Variants in TRRAP observed in about 807,000 individuals in gnomAD.
TRRAP encodes transformation/transcription domain-associated protein.
A neutral mutation model predicts 438.8 loss-of-function variants in TRRAP; 41 were observed. The observed-to-expected ratio is 0.09, with a 90% confidence interval of 0.07 to 0.12. TRRAP has a LOEUF of 0.12. Among genes scored for constraint, TRRAP ranks in the 10% least tolerant of loss-of-function variants. The pLI is 1.00. For missense variants in TRRAP, 3,122 were observed against 5,055.1 expected, an observed-to-expected ratio of 0.62 and a Z score of 11.60; for synonymous variants, 1,994 against 1,962.9, an observed-to-expected ratio of 1.02 and a Z score of -0.42.
chr7:98,911,142 A>G lies in TRRAP; in HGVS notation c.1878A>G (p.Lys626=), dbSNP rs781920718. Residue 626 remains lysine (K), a synonymous_variant, in exon 17 of 73, where the codon AAA becomes AAG. Coordinates refer to ENST00000456197, the MANE Select transcript of TRRAP (RefSeq NM_001375524.1). Reference sequence around the variant, plus strand: ...CCAACTGCCAGACTGTGAGAATGAAAGAGGAGAAGGAGGTATTGGAGCATT... The same window carrying G: ...CCAACTGCCAGACTGTGAGAATGAAGGAGGAGAAGGAGGTATTGGAGCATT... ...RVANCQTVRM[K]EEKEVLEHFA... The G allele has an allele frequency of 1.1e-5, 18 of 1,614,208 alleles. No individual in the cohort carries two copies. The highest frequency in any genetic ancestry group is 1.4e-5 in the Non-Finnish European group (17 of 1,180,040).
chr7:98,881,118 T>C lies in TRRAP; in HGVS notation c.-33T>C, dbSNP rs1554402968. On this transcript the variant is annotated 5_prime_UTR_variant, in exon 2 of 73. Coordinates refer to ENST00000456197, the MANE Select transcript of TRRAP (RefSeq NM_001375524.1). ...GGTTGAACTCATGGACCTGATACTT[T>C]TCTCTTGAGAAGCAAACCAGCCCAA... 6.3e-7 allele frequency: 1 copy of C among 1,588,664 alleles called. No homozygotes were observed. Among genetic ancestry groups the C allele is most frequent in the Admixed American group, 1.8e-5 (1 of 57,084 alleles).
Position 98,953,189 on chromosome 7 carries a change from C to T in TRRAP, c.5486C>T (p.Ala1829Val), listed in dbSNP as rs782663390. Reference protein sequence around the residue: ...ITKVLDPEKQADMLDSLRIYL... With the variant: ...ITKVLDPEKQVDMLDSLRIYL... ...CAGGTCCTGGACCCCGAGAAGCAGGCGGACATGCTGGACTCGCTGCGGATC... is the reference window on the plus strand; with the variant it reads ...CAGGTCCTGGACCCCGAGAAGCAGGTGGACATGCTGGACTCGCTGCGGATC... Residue 1829 changes from alanine to valine, a missense_variant, in exon 40 of 73, where the codon GCG becomes GTG. Around this residue, in one of 24 missense-constraint regions of TRRAP, gnomAD observed 272 missense variants for 348.5 expected, o/e 0.78. Transcript: ENST00000456197. 16 of 1,612,880 alleles carry T rather than the reference C, an allele frequency of 9.9e-6. No homozygotes were observed. Among genetic ancestry groups the T allele is most frequent in the South Asian group, 1.1e-5 (1 of 91,044 alleles).
chr7:98,919,108 A>T (rs577616144), intron 20 of TRRAP, among the ~76,000 whole-genome samples: 45 of 152,306 alleles, frequency 3.0e-4, no homozygotes, highest in African/African-American at 1.1e-3. Flanking sequence ...TGTGTCTCAA[A>T]GCATCTGCCC....
intron 28 of TRRAP, among the ~76,000 whole-genome samples, chr7:98,935,949 G>A (rs1554414145): frequency 6.6e-6 from 1 of 152,192 alleles, no homozygotes; most frequent in Non-Finnish European, 1.5e-5. Flanking sequence ...TAAAAGGATT[G>A]TCGTATCATT....
chr7:98,959,936 TAAAAAAAAA>T (rs780800568), intron 45 of TRRAP, among the ~76,000 whole-genome samples: 1 of 112,710 alleles, frequency 8.9e-6, no homozygotes, highest in Non-Finnish European at 1.8e-5. Context: ...CCTGGTCTCT[TAAAAAAAAA>T]AAAAAAAAAG....
intron 69 of TRRAP, 108 bp from the exon 70 acceptor site, chr7:99,008,269 G>A: frequency 1.7e-6 from 2 of 1,168,574 alleles, no homozygotes; most frequent in Non-Finnish European, 2.5e-6. Flanking sequence ...AGCCCCCAAG[G>A]CATACAGAGC....
intron 30 of TRRAP, among the ~76,000 whole-genome samples, chr7:98,941,207 G>T (rs1362959921): frequency 6.6e-6 from 1 of 152,118 alleles, no homozygotes; most frequent in Admixed American, 6.6e-5. Context: ...ACAGGGCCTT[G>T]CTCTGTGTCC....
rs568406933 is a variant in TRRAP at position 98,887,003 on chromosome 7, A to T, written c.151-3332A>T. On this transcript the variant is annotated intron_variant, in intron 3 of 72. Transcript: ENST00000456197. ...CACAGCATTGAACTCCTGGGCTCAA[A>T]TGATCTTCCTGCTTCGGCCCCCAAG... Among the ~76,000 whole-genome samples the T allele has an allele frequency of 6.6e-5, 10 of 152,270 alleles. No individual in the cohort carries two copies. The South Asian group carries it at 2.1e-3, about 32-fold the overall frequency.
intron 70 of TRRAP, among the ~76,000 whole-genome samples, chr7:99,008,832 C>A (rs536687973): frequency 6.6e-6 from 1 of 152,314 alleles, no homozygotes; most frequent in Admixed American, 6.5e-5. Flanking sequence ...CCTGTACTTA[C>A]AAAGAAGCGC....
intron 23 of TRRAP, 67 bp downstream of exon 23, chr7:98,927,433 G>C (rs1182008324): frequency 1.3e-6 from 2 of 1,546,024 alleles, no homozygotes; most frequent in Admixed American, 4.0e-5. Flanking sequence ...TTAAAAACTT[G>C]CTCAGGACAT....
At chr7:98,881,598 T>G in intron 2 of TRRAP, 1 of 258,116 alleles carries the variant, frequency 3.9e-6, no homozygotes, top group East Asian at 7.3e-5. Flanking sequence ...GAGAAATGCA[T>G]AAATATGACA....
chr7:98,908,826 ACAT>A lies in TRRAP; in HGVS notation c.1216_1218del (p.Ile406del). 6.2e-7 allele frequency: 1 copy of A among 1,612,378 alleles called. No individual in the cohort carries two copies. Among genetic ancestry groups the A allele is most frequent in the Non-Finnish European group, 8.5e-7 (1 of 1,179,344 alleles). On this transcript the variant is annotated inframe_deletion, in exon 14 of 73. Coordinates refer to ENST00000456197, the MANE Select transcript of TRRAP (RefSeq NM_001375524.1). The surrounding 1 kb of genome is among the most constrained non-coding windows in gnomAD (Gnocchi z 4.1). ...CTCGCCGTCCAGCTCTTCGCCAAGAACATCGACGATGAGTCCCTGCCCAGCAGC... is the reference window on the plus strand; with the variant it reads ...CTCGCCGTCCAGCTCTTCGCCAAGAACGACGATGAGTCCCTGCCCAGCAGC...
chr7:98,973,720 C>CG (rs1427519861), intron 53 of TRRAP, among the ~76,000 whole-genome samples: 2 of 152,144 alleles, frequency 1.3e-5, no homozygotes, highest in South Asian at 4.1e-4. Flanking sequence ...TTGCTCAGGC[C>CG]GGAGCTGCAG....
chr7:98,929,030 C>T (rs1013150544), intron 23 of TRRAP, among the ~76,000 whole-genome samples: 2 of 151,796 alleles, frequency 1.3e-5, no homozygotes, highest in African/African-American at 4.8e-5. Context: ...CTCTGCCTCC[C>T]GGGTTGAAGT....
At position 98,990,616 on chromosome 7, in the gene TRRAP, C is replaced by T. The variant is rs754055542; in HGVS notation, c.9753C>T (p.Ser3251=). The T allele has an allele frequency of 6.2e-7, 1 of 1,610,684 alleles. No individual in the cohort carries two copies. Among genetic ancestry groups the T allele is most frequent in the South Asian group, 1.1e-5 (1 of 90,972 alleles). Residue 3251 remains serine (S), a synonymous_variant, in exon 64 of 73, where the codon AGC becomes AGT. Coordinates refer to ENST00000456197, the MANE Select transcript of TRRAP (RefSeq NM_001375524.1). The part of the protein sequence containing the change: ...SEGKLLLNLI[S]QVGRVYPQAV... The stretch of plus-strand genomic sequence containing the variant: ...GAAAGCTGCTCTTGAACCTCATTAG[C>T]CAGGTGGGAAGAGCAGGGTGGCCTT...
intron 23 of TRRAP, among the ~76,000 whole-genome samples, chr7:98,927,916 G>C (rs939202270): frequency 5.3e-5 from 8 of 152,072 alleles, no homozygotes; most frequent in African/African-American, 1.9e-4. Flanking sequence ...TTTTATTTCC[G>C]ATCCATTGTA....
At chr7:98,937,131 A>G (rs75432819) in intron 28 of TRRAP, 25 bp from the exon 29 acceptor site, 5 of 1,577,272 alleles carry the variant, frequency 3.2e-6, no homozygotes, top group Non-Finnish European at 4.3e-6. Flanking sequence ...TAATAATGGA[A>G]TTGTCTTGAT....
intron 25 of TRRAP, 127 bp downstream of exon 25, chr7:98,930,957 A>G (rs1790297214): frequency 3.2e-6 from 4 of 1,231,900 alleles, no homozygotes; most frequent in Non-Finnish European, 1.1e-6. Context: ...CTCAGATTTC[A>G]TTTCAGCATC....
intron 25 of TRRAP, 132 bp from the exon 26 acceptor site, chr7:98,931,273 C>T (rs1176953115): frequency 1.5e-6 from 2 of 1,351,226 alleles, no homozygotes; most frequent in Non-Finnish European, 1.0e-6. Context: ...CGTGAAGTCA[C>T]CTCATTAAAG....
Sources: gnomAD v4.1 joint callset for allele counts (sites outside exome capture counted in the v4.1 genomes callset) on GRCh38, gnomAD v4.1.1 for gene constraint, gnomAD v4.1.1 regional missense constraint, Gnocchi (gnomAD v3.1) non-coding constraint, MANE v1.5 for transcripts, NCBI Gene and HGNC (gene_info 2026-07-23, HGNC 2026-07-21) for gene names.